MYH16: variants seen among roughly 807,000 people sequenced by gnomAD.
MYH16 encodes myosin heavy chain 16.
intron 2 of MYH16, chr7:99,243,499 G>T (rs557850304): frequency 1.3e-5 from 2 of 152,482 alleles, no homozygotes; most frequent in African/African-American, 2.4e-5. Flanking sequence ...TTGAGGAGGG[G>T]GTTGGCTACT....
exon 32 of MYH16, chr7:99,292,327 G>A (rs549887723): frequency 2.4e-5 from 11 of 456,694 alleles, no homozygotes; most frequent in African/African-American, 1.8e-4. Flanking sequence ...CAGCACCGCC[G>A]TGGTGAGTCT....
At chr7:99,280,961 C>T in exon 23 of MYH16, 1 of 417,166 alleles carries the variant, frequency 2.4e-6, no homozygotes, top group Non-Finnish European at 4.8e-6. Flanking sequence ...GAGAAGAGGG[C>T]CCTAGAGGAG....
chr7:99,252,133 C>T (rs1791815796), intron 6 of MYH16, among the ~76,000 whole-genome samples: 1 of 152,220 alleles, frequency 6.6e-6, no homozygotes, highest in Non-Finnish European at 1.5e-5. Context: ...CTGCAACCTC[C>T]TTCCAGGCTG....
chr7:99,309,796 G>A (rs748525936), downstream of MYH16, among the ~76,000 whole-genome samples: 29 of 152,210 alleles, frequency 1.9e-4, no homozygotes, highest in Non-Finnish European at 4.0e-4. Flanking sequence ...TCCTGCCACC[G>A]GCACCCAGAG....
intron 21 of MYH16, among the ~76,000 whole-genome samples, chr7:99,278,117 A>AT (rs1325635718): frequency 2.0e-5 from 3 of 151,838 alleles, no homozygotes; most frequent in Non-Finnish European, 4.4e-5. Context: ...TGCCTGGCTA[A>AT]TTTTTTGTAG....
chr7:99,289,296 G>A (rs573653136), exon 30 of MYH16: 185 of 426,484 alleles, frequency 4.3e-4, no homozygotes, highest in Non-Finnish European at 7.3e-4. Context: ...GATGAACGCC[G>A]AGGCCCACGT....
intron 2 of MYH16, among the ~76,000 whole-genome samples, chr7:99,244,699 G>T (rs1208998556): frequency 6.6e-6 from 1 of 152,218 alleles, no homozygotes; most frequent in Admixed American, 6.5e-5. Context: ...ATCTCTTGAA[G>T]ATATTTGCTA....
At chr7:99,308,987 C>G (rs1256795594), downstream of MYH16, among the ~76,000 whole-genome samples, 2 of 152,166 alleles carry the variant, frequency 1.3e-5, no homozygotes, top group Non-Finnish European at 2.9e-5. Flanking sequence ...GCTTTTCACT[C>G]TCTTTTCTAC....
chr7:99,281,768 T>C (rs1278527978), intron 23 of MYH16, among the ~76,000 whole-genome samples: 1 of 152,198 alleles, frequency 6.6e-6, no homozygotes, highest in Non-Finnish European at 1.5e-5. Context: ...CCAGGCCCAC[T>C]GTCACGGCTA....
intron 39 of MYH16, among the ~76,000 whole-genome samples, chr7:99,303,864 G>C (rs991037895): frequency 6.6e-6 from 1 of 152,186 alleles, no homozygotes; most frequent in Non-Finnish European, 1.5e-5. Context: ...GCTAGTAAAA[G>C]GAAGATGGAT....
intron 20 of MYH16, among the ~76,000 whole-genome samples, chr7:99,276,922 TGAGACAGAGAAA>T (rs1441657059): frequency 7.2e-6 from 1 of 139,372 alleles, no homozygotes; most frequent in Non-Finnish European, 1.6e-5. Context: ...GAGACAGAGA[TGAGACAGAGAAA>T]GAGACAGAGA....
intron 36 of MYH16, among the ~76,000 whole-genome samples, chr7:99,298,359 A>C (rs1792535130): frequency 6.6e-6 from 1 of 151,832 alleles, no homozygotes; most frequent in Non-Finnish European, 1.5e-5. Flanking sequence ...TAGCCTCCCA[A>C]GTAGCTGGGA....
intron 31 of MYH16, 82 bp from the exon 13 acceptor site, chr7:99,292,230 C>A: frequency 2.5e-6 from 1 of 394,502 alleles, no homozygotes; most frequent in Non-Finnish European, 5.2e-6. Flanking sequence ...ATCACTGCTG[C>A]TCCAGTGTTA....
intron 19 of MYH16, among the ~76,000 whole-genome samples, chr7:99,272,869 C>G (rs1792066414): frequency 6.6e-6 from 1 of 152,148 alleles, no homozygotes; most frequent in Admixed American, 6.5e-5. Context: ...GGACTGAAGG[C>G]AGGGATACCA....
chr7:99,247,796 G>A (rs1040286193), intron 3 of MYH16: 3 of 153,914 alleles, frequency 1.9e-5, no homozygotes, highest in African/African-American at 7.2e-5. Context: ...CGGGAGACAA[G>A]CCTTCCTTTG....
intron 9 of MYH16, among the ~76,000 whole-genome samples, chr7:99,256,124 G>A (rs2150809481): frequency 6.6e-6 from 1 of 151,902 alleles, no homozygotes; most frequent in Middle Eastern, 3.4e-3. Context: ...CCCTCACCTA[G>A]TACCTGGCAT....
At chr7:99,271,480 G>A (rs1792045586) in intron 19 of MYH16, among the ~76,000 whole-genome samples, 1 of 152,186 alleles carries the variant, frequency 6.6e-6, no homozygotes, top group South Asian at 2.1e-4. Context: ...TTGCACTCCA[G>A]CCTGGGCGAC....
chr7:99,275,413 C>G (rs1424699738), intron 20 of MYH16, among the ~76,000 whole-genome samples: 1 of 152,216 alleles, frequency 6.6e-6, no homozygotes, highest in Non-Finnish European at 1.5e-5. Flanking sequence ...AGCCACTGTG[C>G]CCAGCCACAA....
At chr7:99,300,637 T>C (rs1371681131) in intron 37 of MYH16, among the ~76,000 whole-genome samples, 1 of 151,936 alleles carries the variant, frequency 6.6e-6, no homozygotes, top group African/African-American at 2.4e-5. Context: ...CGAGACCCCA[T>C]CTCCACAAAA....
Sources: gnomAD v4.1 joint callset for allele counts (sites outside exome capture counted in the v4.1 genomes callset) on GRCh38, gnomAD v4.1.1 for gene constraint, MANE v1.5 for transcripts, NCBI Gene and HGNC (gene_info 2026-07-23, HGNC 2026-07-21) for gene names.